The following TTN variants were observed in gnomAD, a reference collection of about 807,000 sequenced individuals.
The protein encoded by TTN is titin, also known as connectin.
Under a neutral mutation model 3,223.0 loss-of-function variants are expected in TTN, and 1,525 were observed. That is an observed-to-expected ratio of 0.47 (90% confidence interval 0.45 to 0.49). The LOEUF (loss-of-function observed/expected upper bound fraction) is 0.49, where lower values mean the gene tolerates loss of function less well. Ranked by LOEUF, TTN falls within the 20% of genes least tolerant of loss-of-function variation. The pLI, the probability that TTN is intolerant of heterozygous loss-of-function variation, is 0.00. For synonymous variants in TTN, 14,094 were observed against 15,161.0 expected, an observed-to-expected ratio of 0.93 and a Z score of 5.17; for missense variants, 40,786 against 43,424.0, an observed-to-expected ratio of 0.94 and a Z score of 5.40.
At position 178,715,765 on chromosome 2, in the gene TTN, C is replaced by A; in HGVS notation, c.25649G>T (p.Arg8550Met). Reference protein sequence around the residue: ...SAQLGVQEPPRFIKKLEPSRI... With the variant: ...SAQLGVQEPPMFIKKLEPSRI... ...TGAAGGTTCTAGCTTCTTAATGAAC[C>A]TGGGTGGTTCTATGGAACCAAGAGG... Residue 8550 changes from arginine to methionine, a missense_variant, in exon 89 of 363, where the codon AGG (arginine) becomes ATG (methionine). Arg to Met is a moderately conservative substitution (Grantham distance 91). Transcript: ENST00000589042. The A allele has an allele frequency of 6.3e-7, 1 of 1,577,684 alleles. No homozygotes were observed. Among genetic ancestry groups the A allele is most frequent in the South Asian group, 1.2e-5 (1 of 86,662 alleles).
rs1312420792 is a variant in TTN, at chr2:178,551,825, A to G, written c.91075T>C (p.Phe30359Leu). The change falls in exon 335 of 363, where the codon TTC becomes CTC. Residue 30359 changes from phenylalanine to leucine, a missense_variant. Phe to Leu is a conservative substitution (Grantham distance 22, BLOSUM62 0). Transcript: ENST00000589042. ...TTTCTTTCTTTCTTTTCAACATGGA[A>G]TCCAGTAACTTCTGAACCACCATCA... is the stretch of plus-strand genomic sequence containing the variant. ...VYDGGSEVTG[F>L]HVEKKERNSI... The G allele has an allele frequency of 6.2e-7, 1 of 1,613,856 alleles. No homozygotes were observed. The highest frequency in any genetic ancestry group is 8.5e-7 in the Non-Finnish European group (1 of 1,179,814).
chr2:178,688,118 T>C lies in TTN; in HGVS notation c.32304A>G (p.Glu10768=). 6.2e-7 allele frequency: 1 copy of C among 1,612,362 alleles called. No individual in the cohort carries two copies. Among genetic ancestry groups the C allele is most frequent in the Non-Finnish European group, 8.5e-7 (1 of 1,179,372 alleles). Residue 10768 remains glutamate (E), a synonymous_variant, in exon 127 of 363, where the codon GAA becomes GAG. Coordinates refer to ENST00000589042, the MANE Select transcript of TTN (RefSeq NM_001267550.2). The part of the protein sequence containing the change: ...REEEEEAEVT[E]YEVMEEPEEY... ...CTTATTTGCATTGTTTACCTTCATA[T>C]TCTGTAACCTCTGCTTCTTCCTCCT...
chr2:178,594,447 T>G lies in TTN; in HGVS notation c.58047A>C (p.Leu19349Phe). The stretch of plus-strand genomic sequence containing the variant: ...GGTACTCATAGGTATCACCTTCTTT[T>G]AAGCCTTTAACAGTGTATTTTCTGC... ...LLSRKYTVKG[L>F]KEGDTYEYRV... Residue 19349 changes from leucine (L) to phenylalanine (F), a missense_variant, in exon 296 of 363, where the codon TTA (leucine) becomes TTC (phenylalanine). Transcript: ENST00000589042. 1 of 1,613,238 alleles carries G rather than the reference T, an allele frequency of 6.2e-7. No homozygotes were observed. The highest frequency in any genetic ancestry group is 8.5e-7 in the Non-Finnish European group (1 of 1,179,530).
chr2:178,749,774 TC>T (rs1271044240), intron 47 of TTN: 1 of 1,613,084 alleles, frequency 6.2e-7, no homozygotes, highest in South Asian at 1.1e-5. Flanking sequence ...ACAATTAACT[TC>T]TTCAAACTGA....
rs1691868838 is a variant in TTN at position 178,536,953 on chromosome 2, T to C, written c.100156A>G (p.Ile33386Val). The part of the protein sequence containing the change: ...DPLEVSSVVI[I>V]KSPFEKPGAP... ...TTGTACTCACCAAATGGACTCTTAATGATCACAACTGAGGACACTTCTAGA... is the reference window on the plus strand; with the variant it reads ...TTGTACTCACCAAATGGACTCTTAACGATCACAACTGAGGACACTTCTAGA... The change falls in exon 356 of 363, where the codon ATT becomes GTT. Residue 33386 changes from isoleucine to valine, a missense_variant. Physicochemically the swap from Ile to Val is conservative, Grantham distance 29 (BLOSUM62 3). Coordinates refer to ENST00000589042, the MANE Select transcript of TTN (RefSeq NM_001267550.2). 2 of 1,608,378 alleles carry C rather than the reference T, an allele frequency of 1.2e-6. No homozygotes were observed. Among genetic ancestry groups the C allele is most frequent in the Non-Finnish European group, 1.7e-6 (2 of 1,176,058 alleles).
chr2:178,747,076 T>C (rs570239797), intron 47 of TTN: 2 of 1,612,372 alleles, frequency 1.2e-6, no homozygotes, highest in Admixed American at 1.7e-5. Flanking sequence ...CCCCTGGGGG[T>C]GTGGAATATC....
At position 178,530,311 on chromosome 2, in the gene TTN, C is replaced by T. The variant is rs1423928961; in HGVS notation, c.106304G>A (p.Ser35435Asn). Residue 35435 changes from serine to asparagine, a missense_variant, in exon 358 of 363, where the codon AGT (serine) becomes AAT (asparagine). Physicochemically the swap from Ser to Asn is conservative, Grantham distance 46. Coordinates refer to ENST00000589042, the MANE Select transcript of TTN (RefSeq NM_001267550.2). ...AGCCTTAACTGCAAATTTAGCAACA[C>T]TGTCTGAAGAAACAGTTGTATCCTG... ...GLQDTTVSSD[S>N]VAKFAVKATG... The T allele has an allele frequency of 6.2e-7, 1 of 1,613,862 alleles. No individual in the cohort carries two copies. The highest frequency in any genetic ancestry group is 8.5e-7 in the Non-Finnish European group (1 of 1,179,788).
chr2:178,702,343 C>T (rs552733293), intron 107 of TTN, 98 bp from the exon 108 acceptor site: 10 of 1,605,278 alleles, frequency 6.2e-6, no homozygotes, highest in African/African-American at 1.3e-5. Context: ...CTTGTCTTTT[C>T]TAAAAAAGCA....
chr2:178,696,266 G>A lies in TTN; in HGVS notation c.30806C>T (p.Pro10269Leu). 6.5e-7 allele frequency: 1 copy of A among 1,532,496 alleles called. No homozygotes were observed. The highest frequency in any genetic ancestry group is 1.3e-5 in the South Asian group (1 of 78,278). 94.9% of individuals were successfully genotyped at this position (1,532,496 alleles called of 1,614,324 possible). ...TTTAGAGGATACATCAATGATTTCA[G>A]GAGCTAAAATAGATAAAGATACTAT... ...PPTTLIPAKA[P>L]EIIDVSSKAE... Residue 10269 changes from proline to leucine, a missense_variant, in exon 114 of 363, where the codon CCT becomes CTT. Coordinates refer to ENST00000589042, the MANE Select transcript of TTN (RefSeq NM_001267550.2).
In TTN at chr2:178,665,693, C is replaced by T; in HGVS notation, c.35959+15G>A. 3.0e-6 allele frequency: 4 copies of T among 1,333,894 alleles called. No homozygotes were observed. The highest frequency in any genetic ancestry group is 3.8e-6 in the Non-Finnish European group (4 of 1,044,084). The allele number at this position is 1,333,894 out of a possible 1,614,324, so 82.6% of individuals were successfully genotyped here. On this transcript the variant is annotated intron_variant, in intron 164 of 362. Coordinates refer to ENST00000589042, the MANE Select transcript of TTN (RefSeq NM_001267550.2). The stretch of plus-strand genomic sequence containing the variant: ...CTCTAATAAATGAAGGAAGGAATGG[C>T]AGGATGAACGATACCTTTAGTGGGA...
chr2:178,533,153 A>C lies in TTN; in HGVS notation c.103462T>G (p.Ser34488Ala). 6.2e-7 allele frequency: 1 copy of C among 1,613,958 alleles called. No individual in the cohort carries two copies. The highest frequency in any genetic ancestry group is 1.3e-5 in the African/African-American group (1 of 75,034). ...DKTLRMAEIL[S>A]GTESVPLTQV... ...GTCAGTGGTACACTTTCAGTTCCAG[A>C]AAGAATTTCAGCCATTCTGAGGGTT... Residue 34488 changes from serine to alanine, a missense_variant, in exon 358 of 363, where the codon TCT becomes GCT. Physicochemically the swap from Ser to Ala is moderately conservative, Grantham distance 99. Transcript: ENST00000589042.
In TTN at chr2:178,613,895, G is replaced by T. The variant is rs541307234; in HGVS notation, c.49388C>A (p.Thr16463Asn). Residue 16463 changes from threonine to asparagine, a missense_variant, in exon 263 of 363, where the codon ACT (threonine) becomes AAT (asparagine). Coordinates refer to ENST00000589042, the MANE Select transcript of TTN (RefSeq NM_001267550.2). Reference sequence around the variant, plus strand: ...CCATGTGAGAGTCACTGCGTCTTTAGTGATATCAGAAGGTTCTAGGCGAGT... The same window carrying T: ...CCATGTGAGAGTCACTGCGTCTTTATTGATATCAGAAGGTTCTAGGCGAGT... ...PPTRLEPSDI[T>N]KDAVTLTWCE... 11 of 1,610,620 alleles carry T rather than the reference G, an allele frequency of 6.8e-6. No individual in the cohort carries two copies. Among genetic ancestry groups the T allele is most frequent in the South Asian group, 6.6e-5 (6 of 90,484 alleles).
intron 47 of TTN, chr2:178,751,207 A>C: frequency 6.2e-7 from 1 of 1,609,358 alleles, no homozygotes. Context: ...CACTTCTCAA[A>C]GTTCTTGAGC....
chr2:178,588,265 C>T (rs2049469687), intron 304 of TTN, 46 bp from the exon 305 acceptor site: 2 of 1,465,954 alleles, frequency 1.4e-6, no homozygotes, highest in African/African-American at 2.8e-5. Flanking sequence ...AGTGATACTT[C>T]AATGTGTAAT....
chr2:178,614,039 T>C lies in TTN; in HGVS notation c.49345+13A>G. On this transcript the variant is annotated intron_variant, in intron 262 of 362. Transcript: ENST00000589042. ...GCATCCTTTTTTTTTTATCAGCTGA[T>C]TGAGAAACTTACCAAACTGATATTT... The C allele has an allele frequency of 1.2e-6, 2 of 1,610,792 alleles. No individual in the cohort carries two copies. Among genetic ancestry groups the C allele is most frequent in the Non-Finnish European group, 1.7e-6 (2 of 1,178,840 alleles).
In TTN at chr2:178,569,085, T is replaced by C. The variant is rs375611562; in HGVS notation, c.77047A>G (p.Ile25683Val). The part of the protein sequence containing the change: ...FRVTAENEYG[I>V]GLPAQTADPI... ...TCAGCAGTCTGGGCAGGAAGGCCAA[T>C]ACCATACTCATTCTCAGCTGTGACT... Residue 25683 changes from isoleucine (I) to valine (V), a missense_variant, in exon 326 of 363, where the codon ATT (isoleucine) becomes GTT (valine). Transcript: ENST00000589042. 1.2e-5 allele frequency: 19 copies of C among 1,613,300 alleles called. No homozygotes were observed. The African/African-American group carries it at 2.4e-4, about 20-fold the overall frequency.
In TTN at chr2:178,578,805, C is replaced by T. The variant is rs754250350; in HGVS notation, c.68224+1G>A. The T allele has an allele frequency of 6.2e-7, 1 of 1,609,912 alleles. No homozygotes were observed. The highest frequency in any genetic ancestry group is 8.5e-7 in the Non-Finnish European group (1 of 1,177,742). The stretch of plus-strand genomic sequence containing the variant: ...ACGTCTTCTGAATTTAAGACACTTA[C>T]CAAATGGATGTCTCGCAACAATTGG... On this transcript the variant is annotated splice_donor_variant, in intron 320 of 362. Coordinates refer to ENST00000589042, the MANE Select transcript of TTN (RefSeq NM_001267550.2). LOFTEE classifies it high-confidence loss of function.
At chr2:178,596,444 G>A (rs1040471766) in intron 294 of TTN, among the ~76,000 whole-genome samples, 1 of 152,036 alleles carries the variant, frequency 6.6e-6, no homozygotes, top group Admixed American at 6.6e-5. Flanking sequence ...CAAGAGATGG[G>A]TAAGAGTGGC....
Position 178,608,461 on chromosome 2 carries a change from T to C in TTN, c.52422A>G (p.Pro17474=). 1 of 1,599,340 alleles carries C rather than the reference T, an allele frequency of 6.3e-7. No individual in the cohort carries two copies. The highest frequency in any genetic ancestry group is 1.1e-5 in the South Asian group (1 of 88,422). The change falls in exon 275 of 363, where the codon CCA becomes CCG. Residue 17474 remains proline (P), a synonymous_variant. Transcript: ENST00000589042. Reference sequence around the variant, plus strand: ...TAACATCTTCCACAATGGGCTTATCTGGTGCATCAGGTGGTCCTGATAAAA... The same window carrying C: ...TAACATCTTCCACAATGGGCTTATCCGGTGCATCAGGTGGTCCTGATAAAA... ...AKDPFGPPDA[P]DKPIVEDVTS...
Sources: allele counts gnomAD v4.1 joint callset (sites outside exome capture counted in the v4.1 genomes callset), GRCh38; gene constraint gnomAD v4.1.1; transcripts MANE v1.5; gene names NCBI Gene and HGNC (gene_info 2026-07-23, HGNC 2026-07-21).